ERAP2: variants seen among roughly 807,000 people sequenced by gnomAD.
ERAP2 encodes leukocyte-derived arginine aminopeptidase.
ERAP2 carries 118 observed loss-of-function variants against 111.1 expected under a neutral mutation model. The observed-to-expected ratio is 1.06, with a 90% CI of 0.92 to 1.24. The LOEUF (loss-of-function observed/expected upper bound fraction) is 1.24. Among genes scored for constraint, ERAP2 ranks in the 50% most tolerant of loss-of-function variants. The pLI is 0.00. For missense variants in ERAP2, 1,131 were observed against 1,125.8 expected (o/e 1.00, Z -0.07); for synonymous variants, 410 against 401.2 (o/e 1.02, Z -0.26).
rs1787002774 is a variant in ERAP2, at chr5:96,913,225, C to G, written c.2517-92C>G. On this transcript the variant is annotated intron_variant, in intron 16 of 18. Coordinates refer to ENST00000437043, the MANE Select transcript of ERAP2 (RefSeq NM_022350.5). ...AATTATACTTTTATCATGCCTCTTT[C>G]TGTTCTATTCTTTTAATATATTGGT... The G allele has an allele frequency of 8.2e-6, 8 of 979,512 alleles. No homozygotes were observed. The South Asian group carries it at 1.4e-4, about 18-fold the overall frequency. The allele number at this position is 979,512 out of a possible 1,614,324, so 60.7% of individuals were successfully genotyped here.
At chr5:96,896,576 A>C in intron 8 of ERAP2, 72 bp downstream of exon 8, 1 of 1,543,048 alleles carries the variant, frequency 6.5e-7, no homozygotes, top group East Asian at 2.3e-5. Context: ...TCAGCAGTTT[A>C]AGTCACTGGT....
At chr5:96,884,704 C>A (rs1055705406) in intron 3 of ERAP2, among the ~76,000 whole-genome samples, 10 of 151,800 alleles carry the variant, frequency 6.6e-5, no homozygotes, top group Non-Finnish European at 1.2e-4. Flanking sequence ...ATTACAGGCT[C>A]CCACCACTAC....
At position 96,918,885 on chromosome 5, in the gene ERAP2, C is replaced by T. The variant is rs1787716023; in HGVS notation, c.*1280C>T. 1 of 152,144 alleles carries T rather than the reference C, an allele frequency of 6.6e-6. No individual in the cohort carries two copies. The highest frequency in any genetic ancestry group is 1.5e-5 in the Non-Finnish European group (1 of 68,028). The allele number at this position is 152,144 out of a possible 1,614,324, so 9.4% of individuals were successfully genotyped here. A position where few individuals can be genotyped will look rare whatever the true frequency, so the allele number is the denominator to read the frequency against. On this transcript the variant is annotated 3_prime_UTR_variant, in exon 19 of 19. Coordinates refer to ENST00000437043, the MANE Select transcript of ERAP2 (RefSeq NM_022350.5). ...ATTTCTTCATATTTTAAGGAAACCC[C>T]CCACCTCCTTCTTTTAAGGGCGCTT...
intron 3 of ERAP2, among the ~76,000 whole-genome samples, chr5:96,886,081 T>C (rs976283000): frequency 6.6e-6 from 1 of 152,220 alleles, no homozygotes; most frequent in Admixed American, 6.5e-5. Context: ...CACATCCACA[T>C]CTTGGTCCTA....
Position 96,903,258 on chromosome 5 carries a change from C to G in ERAP2, c.1829-119C>G, listed in dbSNP as rs1785678420. ...TACGAAAATGAATATCATTATGACT[C>G]TCCCCAAACTTCATCTTCCCATTGA... On this transcript the variant is annotated intron_variant, in intron 12 of 18. Transcript: ENST00000437043. The G allele has an allele frequency of 6.7e-6, 5 of 745,144 alleles. No homozygotes were observed. The South Asian group carries it at 1.1e-4, about 16-fold the overall frequency. 46.2% of individuals were successfully genotyped at this position (745,144 alleles called of 1,614,324 possible).
chr5:96,898,011 A>G (rs1474090352), intron 9 of ERAP2, among the ~76,000 whole-genome samples: 1 of 152,158 alleles, frequency 6.6e-6, no homozygotes, highest in African/African-American at 2.4e-5. Flanking sequence ...AGCCTGGCCA[A>G]TTCGTGGAAC....
intron 5 of ERAP2, chr5:96,889,507 CT>C (rs1049126431): frequency 3.1e-5 from 22 of 706,532 alleles, no homozygotes; most frequent in Non-Finnish European, 5.3e-5. Context: ...TGGATCATTT[CT>C]CTATTCTTTT....
intron 3 of ERAP2, 117 bp downstream of exon 3, chr5:96,884,047 TATC>T (rs1783457679): frequency 8.1e-6 from 4 of 491,796 alleles, no homozygotes; most frequent in Non-Finnish European, 1.4e-5. Context: ...TCTATCTATC[TATC>T]TATCTATCTA....
At chr5:96,886,926 A>G in intron 4 of ERAP2, 137 bp downstream of exon 4, 1 of 774,520 alleles carries the variant, frequency 1.3e-6, no homozygotes, top group Non-Finnish European at 1.8e-6. Context: ...AAACTAAGTT[A>G]AAAATTATCC....
intron 1 of ERAP2, among the ~76,000 whole-genome samples, chr5:96,878,335 A>G (rs1195561401): frequency 6.6e-6 from 1 of 152,164 alleles, no homozygotes; most frequent in Non-Finnish European, 1.5e-5. Flanking sequence ...CAACCTTTAC[A>G]CCAGTAGCCA....
At chr5:96,881,484 A>AGAG (rs1057221460) in intron 2 of ERAP2, 3 of 456,072 alleles carry the variant, frequency 6.6e-6, no homozygotes, top group African/African-American at 6.0e-5. Context: ...CTGGGAGGTA[A>AGAG]GAGGAGTCTG....
chr5:96,908,859 C>G, intron 13 of ERAP2, 102 bp from the exon 14 acceptor site: 1 of 1,217,416 alleles, frequency 8.2e-7, no homozygotes, highest in South Asian at 1.6e-5. Flanking sequence ...GCTATAATGA[C>G]CTACTTCTGT....
Position 96,886,750 on chromosome 5 carries a change from T to C in ERAP2, c.810T>C (p.Asp270=). 6.5e-7 allele frequency: 1 copy of C among 1,533,734 alleles called. No homozygotes were observed. The highest frequency in any genetic ancestry group is 8.9e-7 in the Non-Finnish European group (1 of 1,124,990). ...ACCTTGTAGCCTACATAGTTTGTGA[T>C]TTCCACTCTCTGAGTGGCTTCACTT... ...STYLVAYIVC[D]FHSLSGFTSS... Residue 270 remains aspartate (D), a synonymous_variant, in exon 4 of 19, where the codon GAT becomes GAC. Transcript: ENST00000437043.
At chr5:96,893,652 C>T (rs554925370) in intron 6 of ERAP2, among the ~76,000 whole-genome samples, 4 of 152,188 alleles carry the variant, frequency 2.6e-5, no homozygotes, top group Non-Finnish European at 5.9e-5. Flanking sequence ...TTCTCTTCCA[C>T]GGAGATGCAG....
chr5:96,895,525 T>C (rs772256147), intron 7 of ERAP2, among the ~76,000 whole-genome samples, 166 bp downstream of exon 7: 3 of 152,152 alleles, frequency 2.0e-5, no homozygotes, highest in Non-Finnish European at 4.4e-5. Context: ...GGATGAAACA[T>C]TGAAGGTTTT....
intron 3 of ERAP2, among the ~76,000 whole-genome samples, 173 bp from the exon 4 acceptor site, chr5:96,886,482 A>T (rs1783726365): frequency 6.6e-6 from 1 of 151,700 alleles, no homozygotes; most frequent in Non-Finnish European, 1.5e-5. Flanking sequence ...GGGTAAAAGC[A>T]ATGGAGGTAA....
chr5:96,898,257 G>C (rs1192178940), intron 9 of ERAP2, among the ~76,000 whole-genome samples: 1 of 151,714 alleles, frequency 6.6e-6, no homozygotes, highest in Non-Finnish European at 1.5e-5. Flanking sequence ...AGAATAAAAA[G>C]CACTTTCATG....
At position 96,881,685 on chromosome 5, in the gene ERAP2, C is replaced by A. The variant is rs535833523; in HGVS notation, c.575+1425C>A. 3.9e-5 allele frequency among the ~76,000 whole-genome samples: 6 copies of A among 152,250 alleles called. No individual in the cohort carries two copies. In the South Asian group the frequency reaches 6.2e-4, roughly 16 times the overall value. ...GGCTCCTTCTGTCTTTCTGCTCAGC[C>A]ATCCTATGGCTTTCTTCCTAATACT... is the stretch of plus-strand genomic sequence containing the variant. On this transcript the variant is annotated intron_variant, in intron 2 of 18. Transcript: ENST00000437043.
chr5:96,883,484 A>G (rs1055808381), intron 2 of ERAP2, among the ~76,000 whole-genome samples: 1 of 152,212 alleles, frequency 6.6e-6, no homozygotes, highest in African/African-American at 2.4e-5. Flanking sequence ...TATTTCAGTC[A>G]TTTACTGGCT....
Sources: gnomAD v4.1 joint callset for allele counts (sites outside exome capture counted in the v4.1 genomes callset) on GRCh38, gnomAD v4.1.1 for gene constraint, MANE v1.5 for transcripts, NCBI Gene and HGNC (gene_info 2026-07-23, HGNC 2026-07-21) for gene names.